Variants in FARS2 observed in about 807,000 individuals in gnomAD.
FARS2 encodes the protein phenylalanyl-tRNA synthetase 2, mitochondrial.
A neutral mutation model predicts 46.4 loss-of-function variants in FARS2; 40 were observed. The observed-to-expected ratio is 0.86, with a 90% CI of 0.67 to 1.12. The LOEUF (loss-of-function observed/expected upper bound fraction) is 1.12. Ranked by LOEUF, FARS2 falls within the 50% of genes most tolerant of loss-of-function variation. The probability of loss-of-function intolerance (pLI) is 0.00; values close to 1 mark genes in which losing one functional copy is unlikely to be tolerated. For missense variants in FARS2, 513 were observed against 567.9 expected (o/e 0.90, Z 0.98); for synonymous variants, 234 against 214.9 (o/e 1.09, Z -0.78).
intron 6 of FARS2, among the ~76,000 whole-genome samples, chr6:5,625,963 G>T (rs1444112230): frequency 2.0e-5 from 3 of 152,152 alleles, no homozygotes; most frequent in African/African-American, 7.2e-5. Context: ...GCTTCAGCTG[G>T]TTTTTTGCTT....
rs190143318 is a variant in FARS2, at chr6:5,604,132, T to C, written c.1066-9037T>C. On this transcript the variant is annotated intron_variant, in intron 5 of 6. Transcript: ENST00000274680. ...CCAGAGGATCACAAGACTTTATCCT[T>C]TCAAGACACAGATGAGCTGCGGTTC... Among the ~76,000 whole-genome samples, 3 of 152,272 alleles carry C rather than the reference T, an allele frequency of 2.0e-5. No homozygotes were observed. In the East Asian group the frequency reaches 5.8e-4, roughly 29 times the overall value.
At chr6:5,574,130 T>TTTTTG (rs973878852) in intron 5 of FARS2, among the ~76,000 whole-genome samples, 11 of 152,286 alleles carry the variant, frequency 7.2e-5, no homozygotes, top group Non-Finnish European at 7.4e-5. Flanking sequence ...TAGGAGAGTC[T>TTTTTG]TTTTGTTTTG....
chr6:5,614,975 G>A (rs1582590163), intron 6 of FARS2, among the ~76,000 whole-genome samples: 1 of 152,280 alleles, frequency 6.6e-6, no homozygotes, highest in African/African-American at 2.4e-5. Context: ...GTCCTCTCAA[G>A]TTTAATTTCA....
chr6:5,761,150 A>T (rs759302950), intron 6 of FARS2, among the ~76,000 whole-genome samples: 1 of 152,046 alleles, frequency 6.6e-6, no homozygotes, highest in Non-Finnish European at 1.5e-5. Context: ...TCTAGACCTA[A>T]TCTCATCTCC....
chr6:5,586,593 A>G (rs571838908), intron 5 of FARS2, among the ~76,000 whole-genome samples: 1 of 152,256 alleles, frequency 6.6e-6, no homozygotes, highest in Admixed American at 6.5e-5. Context: ...TTAATGTACT[A>G]GTATTTTGCT....
chr6:5,342,700 C>T (rs898474788), intron 1 of FARS2, among the ~76,000 whole-genome samples: 2 of 150,834 alleles, frequency 1.3e-5, no homozygotes, highest in Non-Finnish European at 3.0e-5. Flanking sequence ...TGCAGTGAGC[C>T]GAGATCACGC....
At chr6:5,654,417 CA>C (rs200137822) in intron 6 of FARS2, among the ~76,000 whole-genome samples, 1 of 151,438 alleles carries the variant, frequency 6.6e-6, no homozygotes, top group African/African-American at 2.4e-5. Context: ...ATATTTATTC[CA>C]AAAAAAACAA....
intron 4 of FARS2, among the ~76,000 whole-genome samples, chr6:5,543,885 C>CT (rs138364237): frequency 0.4 from 56,646 of 140,836 alleles, 13,081 homozygotes; most frequent in Middle Eastern, 0.61. Flanking sequence ...TGTTTGTTTG[C>CT]TTTTTTTTTT....
the FARS2 span, among the ~76,000 whole-genome samples, chr6:5,250,675 C>T: frequency 1.3e-5 from 2 of 152,118 alleles, no homozygotes; most frequent in African/African-American, 4.8e-5. Context: ...CTTTGTAATA[C>T]AGCGCCACAG....
chr6:5,407,430 T>C (rs1761678801), intron 3 of FARS2, among the ~76,000 whole-genome samples: 1 of 152,146 alleles, frequency 6.6e-6, no homozygotes, highest in South Asian at 2.1e-4. Context: ...GACTGCCATA[T>C]TGCCAAACGC....
intron 5 of FARS2, among the ~76,000 whole-genome samples, chr6:5,606,973 C>T (rs1774871617): frequency 6.6e-6 from 1 of 152,156 alleles, no homozygotes. Context: ...GAGGGAGAGA[C>T]TAACCATCTT....
At chr6:5,415,484 T>G (rs1468957268) in intron 3 of FARS2, among the ~76,000 whole-genome samples, 1 of 151,034 alleles carries the variant, frequency 6.6e-6, no homozygotes, top group African/African-American at 2.4e-5. Flanking sequence ...GCCTAGGTAA[T>G]TTTTGTATTT....
chr6:5,414,822 T>TG (rs1428547540), intron 3 of FARS2, among the ~76,000 whole-genome samples: 10 of 139,658 alleles, frequency 7.2e-5, no homozygotes, highest in Non-Finnish European at 1.3e-4. Flanking sequence ...TTTTTTTTTT[T>TG]TTTTTTTTTT....
intron 1 of FARS2, among the ~76,000 whole-genome samples, chr6:5,318,419 A>C (rs977795140): frequency 1.3e-5 from 2 of 151,226 alleles, no homozygotes; most frequent in African/African-American, 4.9e-5. Flanking sequence ...CCTACAAGAT[A>C]ATGAGGAAAA....
At chr6:5,714,536 A>G (rs1033039649) in intron 6 of FARS2, among the ~76,000 whole-genome samples, 8 of 152,110 alleles carry the variant, frequency 5.3e-5, no homozygotes, top group African/African-American at 1.9e-4. Context: ...AGAGAAAACA[A>G]ACTTATTAAG....
intron 5 of FARS2, among the ~76,000 whole-genome samples, chr6:5,591,846 A>G (rs1773935385): frequency 6.6e-6 from 1 of 152,230 alleles, no homozygotes; most frequent in Admixed American, 6.5e-5. Context: ...TTAAATATTT[A>G]AATTAATTTA....
At chr6:5,543,328 G>A (rs1232119974) in intron 4 of FARS2, among the ~76,000 whole-genome samples, 8 of 151,572 alleles carry the variant, frequency 5.3e-5, no homozygotes, top group African/African-American at 1.7e-4. Context: ...CAGCTAGAGC[G>A]AATGGGGATT....
chr6:5,365,875 A>C (rs528629891), intron 1 of FARS2, among the ~76,000 whole-genome samples: 1 of 152,228 alleles, frequency 6.6e-6, no homozygotes, highest in Non-Finnish European at 1.5e-5. Flanking sequence ...TCATGAGGAA[A>C]GAAAATGTAT....
chr6:5,303,147 C>A (rs761239088), intron 1 of FARS2, among the ~76,000 whole-genome samples: 20 of 152,166 alleles, frequency 1.3e-4, no homozygotes, highest in Admixed American at 1.0e-3. Context: ...TAAGTCAGTG[C>A]CGTCTGATTT....
Sources: allele counts gnomAD v4.1 joint callset (sites outside exome capture counted in the v4.1 genomes callset), GRCh38; gene constraint gnomAD v4.1.1; transcripts MANE v1.5; gene names NCBI Gene and HGNC (gene_info 2026-07-23, HGNC 2026-07-21).